TRAPPC9: variants seen among roughly 807,000 people sequenced by gnomAD.
TRAPPC9 encodes trafficking protein particle complex subunit 9, also known as IKK2 binding protein.
In TRAPPC9, 83 loss-of-function variants were observed where a neutral mutation model predicts 124.0. The ratio of observed to expected loss-of-function variants is 0.67; its 90% CI spans 0.56 to 0.80. TRAPPC9 has a LOEUF of 0.80. Ranked by LOEUF, TRAPPC9 falls within the 30% of genes least tolerant of loss-of-function variation. The pLI is 0.00. For missense variants in TRAPPC9, 1,302 were observed against 1,508.3 expected (o/e 0.86, Z 2.27); for synonymous variants, 638 against 617.5 (o/e 1.03, Z -0.49).
rs73726720 is a variant in TRAPPC9, at chr8:139,734,634, T to A, written c.3056-2432A>T. Among the ~76,000 whole-genome samples the A allele has an allele frequency of 9.9e-3, 1,510 of 152,320 alleles. 23 individuals are homozygous for A. The highest frequency in any genetic ancestry group is 0.035 in the African/African-American group (1,440 of 41,570). On this transcript the variant is annotated intron_variant, in intron 21 of 22. Coordinates refer to ENST00000438773, the MANE Select transcript of TRAPPC9 (RefSeq NM_001160372.4). ...GAAAGGGGCTGCAGAAACCATTTGG[T>A]CCCATTCATTCATTCCAAGATTTAT...
At chr8:139,830,933 C>T (rs986011516) in intron 21 of TRAPPC9, among the ~76,000 whole-genome samples, 1 of 152,256 alleles carries the variant, frequency 6.6e-6, no homozygotes, top group African/African-American at 2.4e-5. Flanking sequence ...ATGAAGTGCA[C>T]GGCAGCAAGC....
At chr8:140,170,964 T>G (rs2061954045) in intron 17 of TRAPPC9, among the ~76,000 whole-genome samples, 1 of 152,168 alleles carries the variant, frequency 6.6e-6, no homozygotes, top group Admixed American at 6.5e-5. Context: ...CACACTATTT[T>G]CTCATCATCC....
intron 10 of TRAPPC9, among the ~76,000 whole-genome samples, chr8:140,305,625 A>C (rs1384603326): frequency 6.6e-6 from 1 of 152,194 alleles, no homozygotes; most frequent in African/African-American, 2.4e-5. Context: ...AAATAACTAA[A>C]TAGCTACATA....
intron 21 of TRAPPC9, among the ~76,000 whole-genome samples, chr8:139,857,229 C>A (rs375648791): frequency 1.3e-5 from 2 of 152,120 alleles, no homozygotes; most frequent in African/African-American, 4.8e-5. Flanking sequence ...CAGAGGCTGG[C>A]GGCGGCTCAT....
rs561984094 is a variant in TRAPPC9, at chr8:139,731,849, C to T, written c.3279+130G>A. On this transcript the variant is annotated intron_variant, in intron 22 of 22. Coordinates refer to ENST00000438773, the MANE Select transcript of TRAPPC9 (RefSeq NM_001160372.4). ...GGCAGACTCAGACTCAGTGTGCACA[C>T]GTGACCACAGAACCCCTGCTGCTAT... 480 of 856,638 alleles carry T rather than the reference C, an allele frequency of 5.6e-4. 5 individuals are homozygous for T. In the South Asian group the frequency reaches 6.5e-3, roughly 12 times the overall value. The allele number at this position is 856,638 out of a possible 1,614,324, so 53.1% of individuals were successfully genotyped here.
At chr8:139,803,040 G>C (rs995828335) in intron 21 of TRAPPC9, among the ~76,000 whole-genome samples, 1 of 152,056 alleles carries the variant, frequency 6.6e-6, no homozygotes, top group Non-Finnish European at 1.5e-5. Context: ...GTGTGTGTAT[G>C]TGAAGGTGTC....
At chr8:139,949,017 G>A (rs945192909) in intron 19 of TRAPPC9, among the ~76,000 whole-genome samples, 157 of 152,168 alleles carry the variant, frequency 1.0e-3, no homozygotes, top group African/African-American at 3.6e-3. Flanking sequence ...AGGTTGCCGT[G>A]AGCCAAGATT....
intron 21 of TRAPPC9, among the ~76,000 whole-genome samples, chr8:139,883,735 G>C (rs10101537): frequency 0.76 from 115,207 of 152,194 alleles, 43,777 homozygotes; most frequent in East Asian, 0.99. Flanking sequence ...CTTCTTCCAG[G>C]CGCCCCACCA....
intron 21 of TRAPPC9, among the ~76,000 whole-genome samples, chr8:139,767,060 G>A (rs937275087): frequency 1.3e-5 from 2 of 152,248 alleles, no homozygotes; most frequent in Admixed American, 6.5e-5. Flanking sequence ...TATGCCTGCT[G>A]AGGACGCCAA....
At chr8:140,124,255 G>C (rs996737583) in intron 17 of TRAPPC9, among the ~76,000 whole-genome samples, 1 of 152,298 alleles carries the variant, frequency 6.6e-6, no homozygotes, top group Non-Finnish European at 1.5e-5. Flanking sequence ...TAGGGTGCAG[G>C]GGGGGCTCTG....
At position 140,092,342 on chromosome 8, in the gene TRAPPC9, C is replaced by T. The variant is rs545978029; in HGVS notation, c.2557-68263G>A. Among the ~76,000 whole-genome samples the T allele has an allele frequency of 2.3e-3, 351 of 151,854 alleles. 1 individual carries two copies. Among genetic ancestry groups the T allele is most frequent in the South Asian group, 9.8e-3 (47 of 4,816 alleles). ...CCTCCCAAATAGCTGAGATTACAGG[C>T]GCCCGATGCCACGCGAGGCTAATTT... On this transcript the variant is annotated intron_variant, in intron 17 of 22. Transcript: ENST00000438773.
At chr8:139,920,401 A>G (rs933743321) in intron 19 of TRAPPC9, among the ~76,000 whole-genome samples, 1 of 152,210 alleles carries the variant, frequency 6.6e-6, no homozygotes, top group Non-Finnish European at 1.5e-5. Flanking sequence ...CTATTCATTT[A>G]AAGTCTGAAA....
At chr8:139,902,584 A>G (rs1831088404) in intron 20 of TRAPPC9, among the ~76,000 whole-genome samples, 1 of 152,272 alleles carries the variant, frequency 6.6e-6, no homozygotes, top group African/African-American at 2.4e-5. Context: ...TTATAGTAAA[A>G]TTCATTTAGA....
rs2064909325 is a variant in TRAPPC9 at position 140,272,046 on chromosome 8, GTGGTGGTTA to G, written c.2278+3603_2278+3611del. ...GGTGGCAGTGGTAATGGTGGTGGTT[GTGGTGGTTA>G]TGGTAGTGATGGTGATGATGGTGGT... On this transcript the variant is annotated intron_variant, in intron 15 of 22. Transcript: ENST00000438773. Among the ~76,000 whole-genome samples the G allele has an allele frequency of 2.8e-5, 4 of 143,800 alleles. 1 individual carries two copies. Among genetic ancestry groups the G allele is most frequent in the Admixed American group, 2.7e-4 (4 of 14,644 alleles). 94.3% of individuals were successfully genotyped at this position (143,800 alleles called of 152,430 possible).
At chr8:140,081,206 A>G (rs1843793326) in intron 17 of TRAPPC9, among the ~76,000 whole-genome samples, 1 of 151,966 alleles carries the variant, frequency 6.6e-6, no homozygotes, top group South Asian at 2.1e-4. Flanking sequence ...CTCACAGTCC[A>G]CTACCACATC....
At chr8:140,352,460 C>G (rs1376730689) in intron 9 of TRAPPC9, among the ~76,000 whole-genome samples, 3 of 152,224 alleles carry the variant, frequency 2.0e-5, no homozygotes, top group African/African-American at 4.8e-5. Context: ...ACCTGGGATT[C>G]TGTGCTACTT....
intron 5 of TRAPPC9, among the ~76,000 whole-genome samples, chr8:140,407,156 G>A (rs2069524457): frequency 6.6e-6 from 1 of 152,192 alleles, no homozygotes; most frequent in Non-Finnish European, 1.5e-5. Context: ...CTGCAGGGGA[G>A]GAGACAAGAT....
chr8:139,931,050 C>G (rs1188625254), intron 19 of TRAPPC9: 1 of 152,190 alleles, frequency 6.6e-6, no homozygotes, highest in Non-Finnish European at 1.5e-5. Flanking sequence ...GGCCCTGGCT[C>G]TTGTCCTCCC....
intron 17 of TRAPPC9, chr8:140,041,001 T>G (rs1272674664): frequency 1.3e-5 from 2 of 152,216 alleles, no homozygotes; most frequent in African/African-American, 4.8e-5. Flanking sequence ...GCATTTACCT[T>G]CGACAACTAC....
Sources: gnomAD v4.1 joint callset for allele counts (sites outside exome capture counted in the v4.1 genomes callset) on GRCh38, gnomAD v4.1.1 for gene constraint, MANE v1.5 for transcripts, NCBI Gene and HGNC (gene_info 2026-07-23, HGNC 2026-07-21) for gene names.